The following RGCC variants were observed in gnomAD, a reference collection of about 807,000 sequenced individuals.
RGCC encodes the protein regulator of cell cycle, also known as regulator of cell cycle RGCC.
RGCC carries 15 observed loss-of-function variants against 15.4 expected under a neutral mutation model. The observed-to-expected ratio is 0.97, with a 90% CI of 0.65 to 1.50. The LOEUF is 1.50. Among genes scored for constraint, RGCC ranks in the 40% most tolerant of loss-of-function variants. The probability of loss-of-function intolerance (pLI) is 0.00; values close to 1 mark genes in which losing one functional copy is unlikely to be tolerated. For missense variants in RGCC, 176 were observed against 189.7 expected, an observed-to-expected ratio of 0.93 and a Z score of 0.42; for synonymous variants, 81 against 78.0, an observed-to-expected ratio of 1.04 and a Z score of -0.20.
At chr13:41,460,411 T>G (rs2043815451) in intron 2 of RGCC, among the ~76,000 whole-genome samples, 1 of 152,270 alleles carries the variant, frequency 6.6e-6, no homozygotes, top group Non-Finnish European at 1.5e-5. Context: ...TACTGAAATT[T>G]AGCTCATCAA....
intron 3 of RGCC, 122 bp downstream of exon 3, chr13:41,467,052 A>ACATTAGTCTTAC: frequency 1.5e-6 from 1 of 684,754 alleles, no homozygotes; most frequent in Non-Finnish European, 2.6e-6. Context: ...AATAGGTAAG[A>ACATTAGTCTTAC]CTAATGTCTT....
chr13:41,465,992 G>A (rs907892429), intron 2 of RGCC, among the ~76,000 whole-genome samples: 2 of 151,994 alleles, frequency 1.3e-5, no homozygotes, highest in African/African-American at 2.4e-5. Flanking sequence ...ACCAAGCACT[G>A]GTCATGATGA....
At chr13:41,468,635 G>C in intron 3 of RGCC, 141 bp from the exon 4 acceptor site, 1 of 681,138 alleles carries the variant, frequency 1.5e-6, no homozygotes, top group Non-Finnish European at 2.6e-6. Context: ...AAGATAAGGA[G>C]GTAGATGTAA....
chr13:41,463,709 C>G (rs147175836), intron 2 of RGCC, among the ~76,000 whole-genome samples: 5 of 152,212 alleles, frequency 3.3e-5, no homozygotes, highest in Non-Finnish European at 7.4e-5. Context: ...GCCTGTGAAC[C>G]TAAAGGATCA....
Position 41,457,558 on chromosome 13 carries a change from C to G in RGCC, c.-150C>G. ...GAACCCGAGCCGGTGGTAGGGCGGG[C>G]GCGGACCGTGCTGGGAGCGGCGCGG... On this transcript the variant is annotated 5_prime_UTR_variant, in exon 1 of 5. Transcript: ENST00000379359. This position sits in a 1 kb window ranked among gnomAD's most constrained non-coding sequence, Gnocchi z 4.9. The G allele has an allele frequency of 7.6e-7, 1 of 1,309,206 alleles. No homozygotes were observed. Among genetic ancestry groups the G allele is most frequent in the Non-Finnish European group, 9.9e-7 (1 of 1,013,532 alleles). The allele number at this position is 1,309,206 out of a possible 1,614,324, so 81.1% of individuals were successfully genotyped here. A position where few individuals can be genotyped will look rare whatever the true frequency, so the allele number is the denominator to read the frequency against.
At position 41,470,832 on chromosome 13, in the gene RGCC, TTATAA is replaced by T. The variant is rs543731057; in HGVS notation, c.*352_*356del. 21 of 189,232 alleles carry T rather than the reference TTATAA, an allele frequency of 1.1e-4. No individual in the cohort carries two copies. The East Asian group carries it at 2.3e-3, about 21-fold the overall frequency. The allele number at this position is 189,232 out of a possible 1,614,324, so 11.7% of individuals were successfully genotyped here. ...TTGGAAATAGCAGTAAGCTTTCCCA[TTATAA>T]TATATTTTTGTATACAAATAAAATT... On this transcript the variant is annotated 3_prime_UTR_variant, in exon 5 of 5. Coordinates refer to ENST00000379359, the MANE Select transcript of RGCC (RefSeq NM_014059.3).
chr13:41,464,919 G>A (rs915290966), intron 2 of RGCC, among the ~76,000 whole-genome samples: 2 of 151,892 alleles, frequency 1.3e-5, no homozygotes, highest in Admixed American at 6.6e-5. Flanking sequence ...CGGTGTCAGC[G>A]AAAAAGAGCA....
At position 41,466,904 on chromosome 13, in the gene RGCC, T is replaced by G. The variant is rs374278800; in HGVS notation, c.317T>G (p.Leu106Arg). 5.0e-6 allele frequency: 8 copies of G among 1,613,514 alleles called. No individual in the cohort carries two copies. Among genetic ancestry groups the G allele is most frequent in the Admixed American group, 1.7e-5 (1 of 60,006 alleles). The change falls in exon 3 of 5, where the codon CTC (leucine) becomes CGC (arginine). Residue 106 changes from leucine to arginine, a missense_variant. Transcript: ENST00000379359. ...NSPTDSTPAL[L>R]SATVTPQKAK... ...CCAACAGACTCTACCCCAGCTCTTC[T>G]CTCTGCCACTGTCACTCCTCAGAAA...
chr13:41,462,679 A>G (rs1003170520), intron 2 of RGCC, among the ~76,000 whole-genome samples: 1 of 152,212 alleles, frequency 6.6e-6, no homozygotes, highest in African/African-American at 2.4e-5. Flanking sequence ...CCAGCAACAC[A>G]TTGCTGTCAT....
At chr13:41,463,692 G>C (rs1192278143) in intron 2 of RGCC, among the ~76,000 whole-genome samples, 1 of 152,064 alleles carries the variant, frequency 6.6e-6, no homozygotes, top group Non-Finnish European at 1.5e-5. Flanking sequence ...CATCAAGAAG[G>C]CATTTAGCCT....
At chr13:41,460,298 G>A (rs562969833) in intron 2 of RGCC, among the ~76,000 whole-genome samples, 45 of 152,296 alleles carry the variant, frequency 3.0e-4, no homozygotes, top group Admixed American at 1.7e-3. Context: ...AGCATAATAT[G>A]TATATCTTAA....
At chr13:41,466,126 A>AT (rs753051492) in intron 2 of RGCC, among the ~76,000 whole-genome samples, 3 of 148,912 alleles carry the variant, frequency 2.0e-5, no homozygotes, top group Non-Finnish European at 4.5e-5. Flanking sequence ...ACACACTCTC[A>AT]TTTTCTCACA....
intron 3 of RGCC, 37 bp from the exon 4 acceptor site, chr13:41,468,737 ACT>A (rs150442518): frequency 0.043 from 45,043 of 1,042,868 alleles, 15 homozygotes; most frequent in East Asian, 0.057. Context: ...TGGAAACTGA[ACT>A]CTCTCTCTCT....
chr13:41,465,958 C>T (rs1487200502), intron 2 of RGCC, among the ~76,000 whole-genome samples: 2 of 152,004 alleles, frequency 1.3e-5, no homozygotes, highest in Admixed American at 6.6e-5. Context: ...GCCTAAAATC[C>T]TTACCCCCAC....
chr13:41,460,222 TCA>T (rs1455837017), intron 2 of RGCC, among the ~76,000 whole-genome samples: 7 of 152,260 alleles, frequency 4.6e-5, no homozygotes, highest in African/African-American at 1.7e-4. Flanking sequence ...AGTTTTTCTC[TCA>T]CAAGGCTAGT....
At chr13:41,469,844 C>G (rs1027522776) in intron 4 of RGCC, among the ~76,000 whole-genome samples, 1 of 151,890 alleles carries the variant, frequency 6.6e-6, no homozygotes, top group African/African-American at 2.4e-5. Flanking sequence ...CCCTCACAAT[C>G]TATCTACACA....
chr13:41,467,614 T>G (rs1260463260), intron 3 of RGCC, among the ~76,000 whole-genome samples: 3 of 152,250 alleles, frequency 2.0e-5, no homozygotes, highest in African/African-American at 7.2e-5. Context: ...TGAAAATAGT[T>G]GCAGAATGCA....
Position 41,466,945 on chromosome 13 carries a change from T to C in RGCC, c.343+15T>C. 1 of 1,588,830 alleles carries C rather than the reference T, an allele frequency of 6.3e-7. No individual in the cohort carries two copies. Among genetic ancestry groups the C allele is most frequent in the Non-Finnish European group, 8.6e-7 (1 of 1,157,252 alleles). ...TCCTCAGAAAGGTAAGGTCATTAGT[T>C]GGAATTTGAGTTTTTTGCTTTTTTA... On this transcript the variant is annotated intron_variant, in intron 3 of 4. Transcript: ENST00000379359.
intron 2 of RGCC, among the ~76,000 whole-genome samples, chr13:41,459,293 C>G (rs1248325297): frequency 6.6e-6 from 1 of 152,198 alleles, no homozygotes; most frequent in Non-Finnish European, 1.5e-5. Context: ...TTGTTGGTTT[C>G]AAATCCAGAA....
Sources: allele counts gnomAD v4.1 joint callset (sites outside exome capture counted in the v4.1 genomes callset), GRCh38; gene constraint gnomAD v4.1.1; non-coding constraint Gnocchi (gnomAD v3.1); transcripts MANE v1.5; gene names NCBI Gene and HGNC (gene_info 2026-07-23, HGNC 2026-07-21).